CNTNAP5: variants seen among roughly 807,000 people sequenced by gnomAD.
CNTNAP5 encodes the protein contactin-associated protein-like 5.
A neutral mutation model predicts 150.2 loss-of-function variants in CNTNAP5; 72 were observed. The observed-to-expected ratio is 0.48, with a 90% CI of 0.40 to 0.58. The LOEUF is 0.58. Among genes scored for constraint, CNTNAP5 ranks in the 20% least tolerant of loss-of-function variants. The pLI is 0.00. For missense variants in CNTNAP5, 1,636 were observed against 1,626.2 expected (o/e 1.01, Z -0.10); for synonymous variants, 672 against 619.8 (o/e 1.08, Z -1.25).
intron 1 of CNTNAP5, among the ~76,000 whole-genome samples, chr2:124,209,116 T>A (rs1288096777): frequency 1.3e-5 from 2 of 152,162 alleles, no homozygotes; most frequent in Admixed American, 1.3e-4. Context: ...CCATTCTATC[T>A]CACACATTCA....
At chr2:124,228,547 A>G (rs1031207246) in intron 2 of CNTNAP5, among the ~76,000 whole-genome samples, 11 of 152,160 alleles carry the variant, frequency 7.2e-5, no homozygotes, top group Non-Finnish European at 1.5e-4. Flanking sequence ...ACTTCACAGT[A>G]TCTAAGCTCT....
At chr2:124,662,083 T>G (rs866218056) in intron 13 of CNTNAP5, among the ~76,000 whole-genome samples, 2 of 152,158 alleles carry the variant, frequency 1.3e-5, no homozygotes, top group South Asian at 2.1e-4. Context: ...CTCCCACTTA[T>G]GAGTGAGAAC....
chr2:124,119,516 T>G (rs1174952405), intron 1 of CNTNAP5, among the ~76,000 whole-genome samples: 3 of 152,170 alleles, frequency 2.0e-5, no homozygotes, highest in Admixed American at 6.5e-5. Context: ...AAAAATTTTG[T>G]CTATAGCACT....
chr2:124,527,214 C>T (rs1458958988), intron 9 of CNTNAP5, 71 bp from the exon 10 acceptor site: 22 of 1,368,546 alleles, frequency 1.6e-5, no homozygotes, highest in Non-Finnish European at 2.2e-5. Context: ...CAAGGTCTTC[C>T]ATCAATAGGT....
intron 13 of CNTNAP5, among the ~76,000 whole-genome samples, chr2:124,697,000 T>C (rs1679418645): frequency 6.6e-6 from 1 of 152,290 alleles, no homozygotes; most frequent in African/African-American, 2.4e-5. Flanking sequence ...GAATACAGTG[T>C]CTCAGGAAGG....
At chr2:124,749,137 A>G (rs1680667549) in intron 14 of CNTNAP5, among the ~76,000 whole-genome samples, 1 of 152,162 alleles carries the variant, frequency 6.6e-6, no homozygotes, top group Non-Finnish European at 1.5e-5. Context: ...AGGTGTGTTG[A>G]AGTGTTAGAT....
chr2:124,763,983 T>C lies in CNTNAP5; in HGVS notation c.2369T>C (p.Phe790Ser), dbSNP rs367594196. Reference protein sequence around the residue: ...GPLRCYGDRRFWNAVSFYTEA... With the variant: ...GPLRCYGDRRSWNAVSFYTEA... Reference sequence around the variant, plus strand: ...AGGATTTTCTCATTTGCAGGACGCTTCTGGAACGCCGTCTCATTTTATACA... The same window carrying C: ...AGGATTTTCTCATTTGCAGGACGCTCCTGGAACGCCGTCTCATTTTATACA... Residue 790 changes from phenylalanine to serine, a missense_variant, in exon 16 of 24, where the codon TTC (phenylalanine) becomes TCC (serine). Physicochemically the swap from Phe to Ser is radical, Grantham distance 155 (BLOSUM62 -2). Coordinates refer to ENST00000682447, the MANE Select transcript of CNTNAP5 (RefSeq NM_001367498.1). The C allele has an allele frequency of 1.9e-6, 3 of 1,611,034 alleles. No individual in the cohort carries two copies. Among genetic ancestry groups the C allele is most frequent in the African/African-American group, 1.3e-5 (1 of 74,606 alleles).
intron 11 of CNTNAP5, among the ~76,000 whole-genome samples, chr2:124,579,722 C>T (rs998006675): frequency 2.6e-5 from 4 of 152,184 alleles, no homozygotes; most frequent in Non-Finnish European, 5.9e-5. Flanking sequence ...AATGAGTGAT[C>T]GTGAGGGCAC....
In CNTNAP5 at chr2:124,417,604, T is replaced by G. The variant is rs1312498841; in HGVS notation, c.529+14T>G. The G allele has an allele frequency of 2.5e-6, 4 of 1,609,896 alleles. No individual in the cohort carries two copies. Among genetic ancestry groups the G allele is most frequent in the Non-Finnish European group, 2.5e-6 (3 of 1,177,362 alleles). ...GATGTTCCTATAGTAAGTACTCACA[T>G]GTACCCTTTACCATTGCTGAGTGTG... is the stretch of plus-strand genomic sequence containing the variant. On this transcript the variant is annotated intron_variant, in intron 4 of 23. Coordinates refer to ENST00000682447, the MANE Select transcript of CNTNAP5 (RefSeq NM_001367498.1).
chr2:124,761,386 T>A (rs1680952234), intron 14 of CNTNAP5, among the ~76,000 whole-genome samples: 1 of 152,162 alleles, frequency 6.6e-6, no homozygotes, highest in South Asian at 2.1e-4. Flanking sequence ...ACAGCCTTCA[T>A]CTGCAGTTTA....
intron 11 of CNTNAP5, among the ~76,000 whole-genome samples, chr2:124,566,907 A>G (rs10179472): frequency 0.016 from 2,484 of 152,314 alleles, 67 homozygotes; most frequent in African/African-American, 0.056. Context: ...TGGCAAAAAC[A>G]AAAACAAATA....
At chr2:124,149,697 A>C (rs897499919) in intron 1 of CNTNAP5, among the ~76,000 whole-genome samples, 59 of 152,336 alleles carry the variant, frequency 3.9e-4, no homozygotes, top group Admixed American at 3.2e-3. Context: ...GAGTGAGAAT[A>C]GCAACAGTCA....
intron 6 of CNTNAP5, among the ~76,000 whole-genome samples, chr2:124,471,627 T>A (rs1178908551): frequency 6.6e-6 from 1 of 152,190 alleles, no homozygotes; most frequent in Non-Finnish European, 1.5e-5. Context: ...AGAGAGGGCA[T>A]CTGTGTCTTG....
chr2:124,756,526 A>C (rs62171339), intron 14 of CNTNAP5, among the ~76,000 whole-genome samples: 64 of 152,228 alleles, frequency 4.2e-4, no homozygotes, highest in African/African-American at 1.4e-3. Context: ...GTGCCCATCA[A>C]TGATAGACTG....
intron 8 of CNTNAP5, among the ~76,000 whole-genome samples, chr2:124,514,956 A>G (rs1694673406): frequency 6.6e-6 from 1 of 152,120 alleles, no homozygotes; most frequent in African/African-American, 2.4e-5. Context: ...TAGCGTGTGG[A>G]TGTTTGATCT....
At chr2:124,534,039 G>A (rs1695175046) in intron 10 of CNTNAP5, among the ~76,000 whole-genome samples, 1 of 152,042 alleles carries the variant, frequency 6.6e-6, no homozygotes. Flanking sequence ...CAACATGAAT[G>A]GTACTTAAGT....
intron 12 of CNTNAP5, among the ~76,000 whole-genome samples, chr2:124,629,951 A>AAAAAAAAAAAAAC (rs1422707257): frequency 9.4e-5 from 14 of 148,792 alleles, no homozygotes; most frequent in Non-Finnish European, 2.1e-4. Context: ...AAAAAAAAAA[A>AAAAAAAAAAAAAC]AAAACTGGAA....
chr2:124,399,587 C>A (rs1011992858), intron 3 of CNTNAP5, among the ~76,000 whole-genome samples: 1 of 151,840 alleles, frequency 6.6e-6, no homozygotes, highest in African/African-American at 2.4e-5. Flanking sequence ...TTTATTTAGT[C>A]ATCATTTGTT....
intron 3 of CNTNAP5, among the ~76,000 whole-genome samples, chr2:124,292,521 AATAG>A (rs1292315601): frequency 1.3e-5 from 2 of 152,140 alleles, no homozygotes; most frequent in African/African-American, 2.4e-5. Context: ...CCTATTTTTA[AATAG>A]ATAAATTCAT....
Sources: gnomAD v4.1 joint callset for allele counts (sites outside exome capture counted in the v4.1 genomes callset) on GRCh38, gnomAD v4.1.1 for gene constraint, MANE v1.5 for transcripts, NCBI Gene and HGNC (gene_info 2026-07-23, HGNC 2026-07-21) for gene names.